Variants in CCDC3 observed in about 807,000 individuals in gnomAD.
CCDC3 encodes the protein coiled-coil domain-containing protein 3.
In CCDC3, 24 loss-of-function variants were observed where a neutral mutation model predicts 21.4. That is an observed-to-expected ratio of 1.12 (90% CI 0.81 to 1.58). The LOEUF is 1.58. CCDC3 is among the 40% of genes most tolerant of loss of function. The pLI, the probability that CCDC3 is intolerant of heterozygous loss-of-function variation, is 0.00. For missense variants in CCDC3, 425 were observed against 360.9 expected, an observed-to-expected ratio of 1.18 and a Z score of -1.44; for synonymous variants, 186 against 166.0, an observed-to-expected ratio of 1.12 and a Z score of -0.93.
At chr10:13,057,901 T>C (rs1236840137) in intron 4 of CCDC3, 10 of 501,774 alleles carry the variant, frequency 2.0e-5, no homozygotes, top group Non-Finnish European at 2.9e-5. Flanking sequence ...TAAAACCTTC[T>C]TTCTTGGGCT....
chr10:13,035,642 T>A (rs1038454486), intron 5 of CCDC3, among the ~76,000 whole-genome samples: 3 of 152,160 alleles, frequency 2.0e-5, no homozygotes, highest in Admixed American at 2.0e-4. Context: ...AACTATATCA[T>A]CCCGAGGCAT....
intron 4 of CCDC3, chr10:13,058,282 C>T: frequency 7.3e-7 from 1 of 1,369,548 alleles, no homozygotes; most frequent in Non-Finnish European, 1.0e-6. Flanking sequence ...CAATGCTTTC[C>T]ACATCGTATT....
intron 4 of CCDC3, among the ~76,000 whole-genome samples, chr10:13,054,989 T>C (rs1239098157): frequency 6.6e-6 from 1 of 152,168 alleles, no homozygotes; most frequent in Non-Finnish European, 1.5e-5. Context: ...TTTCTTATGA[T>C]TCTGAGGGTG....
chr10:13,035,387 AT>A (rs1836366036), intron 5 of CCDC3, among the ~76,000 whole-genome samples: 1 of 152,242 alleles, frequency 6.6e-6, no homozygotes, highest in Non-Finnish European at 1.5e-5. Context: ...ATAAAATAAA[AT>A]AAAAAATAAA....
intron 2 of CCDC3, among the ~76,000 whole-genome samples, chr10:12,974,024 A>G (rs1235196837): frequency 6.6e-6 from 1 of 152,206 alleles, no homozygotes; most frequent in African/African-American, 2.4e-5. Flanking sequence ...GAGAAGTACA[A>G]GCACTCCAAG....
At chr10:12,927,042 G>C (rs1164140194) in intron 2 of CCDC3, among the ~76,000 whole-genome samples, 1 of 152,148 alleles carries the variant, frequency 6.6e-6, no homozygotes, top group Non-Finnish European at 1.5e-5. Context: ...AACCAAGAAA[G>C]AGGCCCCAAG....
intron 5 of CCDC3, among the ~76,000 whole-genome samples, chr10:13,036,977 G>T (rs755000417): frequency 6.6e-6 from 1 of 151,418 alleles, no homozygotes; most frequent in Non-Finnish European, 1.5e-5. Flanking sequence ...TAGAGATAGG[G>T]TCTCACTGTG....
At chr10:13,065,707 T>A (rs1354584295) in intron 4 of CCDC3, among the ~76,000 whole-genome samples, 1 of 152,188 alleles carries the variant, frequency 6.6e-6, no homozygotes, top group Non-Finnish European at 1.5e-5. Context: ...GAACCCACGT[T>A]GACACAACTT....
rs770672244 is a variant in CCDC3 at position 12,924,781 on chromosome 10, C to T, written c.550-26102G>A. 13 of 152,040 alleles carry T rather than the reference C, an allele frequency of 8.6e-5. No homozygotes were observed. The South Asian group carries it at 1.7e-3, about 19-fold the overall frequency. 9.4% of individuals were successfully genotyped at this position (152,040 alleles called of 1,614,324 possible). A position where few individuals can be genotyped will look rare whatever the true frequency, so the allele number is the denominator to read the frequency against. On this transcript the variant is annotated intron_variant, in intron 2 of 2. Coordinates refer to ENST00000378825, the MANE Select transcript of CCDC3 (RefSeq NM_031455.4). ...TCAGGTGCATTCAGGGTGCTACGGC[C>T]GTAAGTGACTCATTTTCTTTTGTCG... is the stretch of plus-strand genomic sequence containing the variant.
intron 2 of CCDC3, among the ~76,000 whole-genome samples, chr10:12,985,968 C>T (rs1835583538): frequency 6.6e-6 from 1 of 152,158 alleles, no homozygotes; most frequent in Non-Finnish European, 1.5e-5. Context: ...CTCCGCCTCC[C>T]GGGTTCACGC....
chr10:13,085,264 G>A (rs1014494839), intron 3 of CCDC3, among the ~76,000 whole-genome samples: 1 of 152,140 alleles, frequency 6.6e-6, no homozygotes, highest in Non-Finnish European at 1.5e-5. Context: ...AAACTTTACG[G>A]CTCTGTCACT....
At chr10:13,014,424 T>C (rs1836023498) in intron 5 of CCDC3, among the ~76,000 whole-genome samples, 1 of 135,370 alleles carries the variant, frequency 7.4e-6, no homozygotes, top group Non-Finnish European at 1.5e-5. Context: ...CACTCCAGCC[T>C]GGGCGACAGA....
intron 5 of CCDC3, among the ~76,000 whole-genome samples, chr10:13,016,909 C>T (rs1351264321): frequency 2.0e-5 from 3 of 152,052 alleles, no homozygotes; most frequent in Non-Finnish European, 4.4e-5. Flanking sequence ...ATATTTAGCC[C>T]GAATGACCCA....
intron 3 of CCDC3, among the ~76,000 whole-genome samples, chr10:13,079,911 C>T (rs529356739): frequency 1.4e-4 from 21 of 151,050 alleles, no homozygotes; most frequent in Non-Finnish European, 2.9e-5. Context: ...GTTCTCTAGA[C>T]GAGGTTAAAA....
chr10:13,039,057 G>C (rs753337238), intron 5 of CCDC3, among the ~76,000 whole-genome samples: 10 of 152,104 alleles, frequency 6.6e-5, no homozygotes, highest in Non-Finnish European at 1.5e-4. Context: ...ATGCCACCAC[G>C]CACATGCTTC....
At chr10:13,083,271 T>G (rs1472994952) in intron 3 of CCDC3, among the ~76,000 whole-genome samples, 1 of 152,190 alleles carries the variant, frequency 6.6e-6, no homozygotes, top group Non-Finnish European at 1.5e-5. Flanking sequence ...ACCCTGGCAT[T>G]TCATCAACCA....
chr10:13,084,910 T>A (rs192008935), intron 3 of CCDC3, among the ~76,000 whole-genome samples: 1 of 152,112 alleles, frequency 6.6e-6, no homozygotes, highest in Non-Finnish European at 1.5e-5. Flanking sequence ...CATTAGCAGG[T>A]GACGTTCCCC....
intron 4 of CCDC3, among the ~76,000 whole-genome samples, chr10:13,050,345 C>T (rs942860480): frequency 1.2e-4 from 18 of 151,916 alleles, no homozygotes; most frequent in African/African-American, 4.1e-4. Flanking sequence ...AGGCAGGTGT[C>T]GACCTTTAAA....
chr10:13,020,718 A>G (rs1453639245), intron 5 of CCDC3, among the ~76,000 whole-genome samples: 9 of 152,290 alleles, frequency 5.9e-5, no homozygotes, highest in African/African-American at 1.7e-4. Flanking sequence ...ACTCCACTCA[A>G]TTGAGGAAGA....
Sources: gnomAD v4.1 joint callset for allele counts (sites outside exome capture counted in the v4.1 genomes callset) on GRCh38, gnomAD v4.1.1 for gene constraint, MANE v1.5 for transcripts, NCBI Gene and HGNC (gene_info 2026-07-23, HGNC 2026-07-21) for gene names.